Variants in DRD2 observed in about 807,000 individuals in gnomAD.
DRD2 encodes D(2) dopamine receptor.
DRD2 carries 8 observed loss-of-function variants against 38.0 expected under a neutral mutation model. The observed-to-expected ratio is 0.21, with a 90% CI of 0.12 to 0.38. The LOEUF (loss-of-function observed/expected upper bound fraction) is 0.38, where lower values mean the gene tolerates loss of function less well. Among genes scored for constraint, DRD2 ranks in the 10% least tolerant of loss-of-function variants. The pLI, the probability that DRD2 is intolerant of heterozygous loss-of-function variation, is 1.00. For missense variants in DRD2, 403 were observed against 607.7 expected, an observed-to-expected ratio of 0.66 and a Z score of 3.54; for synonymous variants, 230 against 238.6, an observed-to-expected ratio of 0.96 and a Z score of 0.33.
chr11:113,443,096 A>G (rs1485156195), intron 1 of DRD2, among the ~76,000 whole-genome samples: 1 of 152,176 alleles, frequency 6.6e-6, no homozygotes, highest in Non-Finnish European at 1.5e-5. Context: ...TCTATTTCAG[A>G]AAACACCAGC....
chr11:113,442,127 T>C (rs943753888), intron 1 of DRD2, among the ~76,000 whole-genome samples: 6 of 152,082 alleles, frequency 3.9e-5, no homozygotes, highest in Non-Finnish European at 8.8e-5. Flanking sequence ...TGAAAGAAAA[T>C]TGGCCATAAT....
chr11:113,438,949 C>G (rs1296785832), intron 1 of DRD2, among the ~76,000 whole-genome samples: 1 of 152,204 alleles, frequency 6.6e-6, no homozygotes, highest in African/African-American at 2.4e-5. Context: ...CTCTAATTCT[C>G]AACTTAATAG....
At position 113,424,682 on chromosome 11, in the gene DRD2, T is replaced by C; in HGVS notation, c.-31A>G. The stretch of plus-strand genomic sequence containing the variant: ...CGGTGGAGCCACTGGGTGGCCAGGC[T>C]CTGGCCAGGAAAAATGGACACAAGG... On this transcript the variant is annotated splice_region_variant and 5_prime_UTR_variant, in exon 2 of 8. Transcript: ENST00000362072. The C allele has an allele frequency of 6.2e-7, 1 of 1,613,406 alleles. No individual in the cohort carries two copies. The highest frequency in any genetic ancestry group is 8.5e-7 in the Non-Finnish European group (1 of 1,180,004).
intron 1 of DRD2, among the ~76,000 whole-genome samples, chr11:113,470,227 C>T (rs528869812): frequency 1.3e-5 from 2 of 152,240 alleles, no homozygotes; most frequent in East Asian, 3.9e-4. Flanking sequence ...CACTTAGAAC[C>T]CAAACAATAA....
At chr11:113,416,081 T>C (rs1335157207) in intron 4 of DRD2, among the ~76,000 whole-genome samples, 2 of 152,244 alleles carry the variant, frequency 1.3e-5, no homozygotes, top group East Asian at 3.8e-4. Context: ...TTTCATATGT[T>C]TGCGTGCCCT....
chr11:113,435,736 C>T lies in DRD2; in HGVS notation c.-31-11054G>A, dbSNP rs57693051. On this transcript the variant is annotated intron_variant, in intron 1 of 7. Coordinates refer to ENST00000362072, the MANE Select transcript of DRD2 (RefSeq NM_000795.4). ...AGGGGCTACACAGGGTCACCTGAGCCAAGGACATACTTAGCTACCAAACTC... is the reference window on the plus strand; with the variant it reads ...AGGGGCTACACAGGGTCACCTGAGCTAAGGACATACTTAGCTACCAAACTC... 2.4e-3 allele frequency among the ~76,000 whole-genome samples: 361 copies of T among 151,892 alleles called. 2 individuals are homozygous for T. Among genetic ancestry groups the T allele is most frequent in the African/African-American group, 8.4e-3 (346 of 41,384 alleles).
chr11:113,427,765 G>A (rs1306441205), intron 1 of DRD2, among the ~76,000 whole-genome samples: 1 of 152,140 alleles, frequency 6.6e-6, no homozygotes, highest in Admixed American at 6.5e-5. Flanking sequence ...TCTGCACTAT[G>A]CTCTTCCCCC....
chr11:113,410,357 A>T lies in DRD2; in HGVS notation c.*370T>A. ...CCACGCCAAGCCCCACAAAGAGAAA[A>T]CTCAGCCTCTGGGCCCTGACTCAGG... On this transcript the variant is annotated 3_prime_UTR_variant, in exon 8 of 8. Coordinates refer to ENST00000362072, the MANE Select transcript of DRD2 (RefSeq NM_000795.4). 2.3e-6 allele frequency: 1 copy of T among 436,258 alleles called. No individual in the cohort carries two copies. The highest frequency in any genetic ancestry group is 4.3e-6 in the Non-Finnish European group (1 of 234,620). 27.0% of individuals were successfully genotyped at this position (436,258 alleles called of 1,614,324 possible). A position where few individuals can be genotyped will look rare whatever the true frequency, so the allele number is the denominator to read the frequency against.
intron 1 of DRD2, among the ~76,000 whole-genome samples, chr11:113,457,209 T>G (rs1480437205): frequency 1.3e-5 from 2 of 152,172 alleles, no homozygotes; most frequent in Non-Finnish European, 2.9e-5. Context: ...CTCTGTGAGG[T>G]GCAGTGGCCA....
chr11:113,452,580 C>T (rs1279055740), intron 1 of DRD2, among the ~76,000 whole-genome samples: 1 of 152,052 alleles, frequency 6.6e-6, no homozygotes, highest in African/African-American at 2.4e-5. Flanking sequence ...TGGAATTCTT[C>T]CCTGACCACT....
At chr11:113,467,010 A>G (rs1374036828) in intron 1 of DRD2, among the ~76,000 whole-genome samples, 1 of 152,180 alleles carries the variant, frequency 6.6e-6, no homozygotes, top group Non-Finnish European at 1.5e-5. Context: ...ACTACTAAAG[A>G]AAAATAGTGT....
Position 113,415,194 on chromosome 11 carries a change from C to T in DRD2, c.723+227G>A, listed in dbSNP as rs12363125. On this transcript the variant is annotated intron_variant, in intron 5 of 7. Transcript: ENST00000362072. ...ACAAAGATCTCCAAGCAAAGACTTCCCCTTGTTATTTAGTGTCATGGACCC... is the reference window on the plus strand; with the variant it reads ...ACAAAGATCTCCAAGCAAAGACTTCTCCTTGTTATTTAGTGTCATGGACCC... The T allele has an allele frequency of 0.49, 210,400 of 431,872 alleles. 59,122 individuals are homozygous for T. The highest frequency in any genetic ancestry group is 0.6 in the Non-Finnish European group (150,718 of 250,296). 26.8% of individuals were successfully genotyped at this position (431,872 alleles called of 1,614,324 possible).
intron 1 of DRD2, among the ~76,000 whole-genome samples, chr11:113,461,837 G>C (rs946104017): frequency 6.6e-6 from 1 of 152,118 alleles, no homozygotes; most frequent in Admixed American, 6.5e-5. Context: ...CTGCCCTCAC[G>C]GGGAGCAATT....
intron 1 of DRD2, among the ~76,000 whole-genome samples, chr11:113,452,999 C>T (rs1173709995): frequency 2.0e-5 from 3 of 152,100 alleles, no homozygotes; most frequent in Non-Finnish European, 4.4e-5. Context: ...TTACTTTATG[C>T]TCTTTATTTT....
At chr11:113,414,510 G>A (rs201489522) in intron 5 of DRD2, 49 bp from the exon 6 acceptor site, 12 of 1,606,704 alleles carry the variant, frequency 7.5e-6, no homozygotes, top group African/African-American at 4.0e-5. Flanking sequence ...GGGGATGGAG[G>A]GGGGACAGAA....
intron 1 of DRD2, among the ~76,000 whole-genome samples, chr11:113,444,302 G>C (rs573914965): frequency 3.3e-5 from 5 of 152,208 alleles, no homozygotes; most frequent in Non-Finnish European, 1.5e-5. Context: ...CTCCCAAAGT[G>C]CTGGGAGTAT....
intron 2 of DRD2, among the ~76,000 whole-genome samples, chr11:113,422,423 G>C (rs548845486): frequency 6.6e-6 from 1 of 152,306 alleles, no homozygotes; most frequent in Non-Finnish European, 1.5e-5. Context: ...CTGAGGCACA[G>C]AGAGTTTGTT....
intron 6 of DRD2, chr11:113,414,030 T>G (rs1950796828): frequency 8.3e-6 from 3 of 360,952 alleles, no homozygotes; most frequent in Admixed American, 7.6e-5. Flanking sequence ...CAACTGAAGA[T>G]CGGTTCGATC....
chr11:113,410,375 G>A lies in DRD2; in HGVS notation c.*352C>T, dbSNP rs1188444768. On this transcript the variant is annotated 3_prime_UTR_variant, in exon 8 of 8. Coordinates refer to ENST00000362072, the MANE Select transcript of DRD2 (RefSeq NM_000795.4). The stretch of plus-strand genomic sequence containing the variant: ...AGAGAAAACTCAGCCTCTGGGCCCT[G>A]ACTCAGGCTCCAGCAACCCTAGAGC... 3 of 458,584 alleles carry A rather than the reference G, an allele frequency of 6.5e-6. No individual in the cohort carries two copies. Among genetic ancestry groups the A allele is most frequent in the Non-Finnish European group, 1.2e-5 (3 of 248,342 alleles). The allele number at this position is 458,584 out of a possible 1,614,324, so 28.4% of individuals were successfully genotyped here.
Sources: gnomAD v4.1 joint callset for allele counts (sites outside exome capture counted in the v4.1 genomes callset) on GRCh38, gnomAD v4.1.1 for gene constraint, MANE v1.5 for transcripts, NCBI Gene and HGNC (gene_info 2026-07-23, HGNC 2026-07-21) for gene names.